The following CAMK1D variants were observed in gnomAD, a reference collection of about 807,000 sequenced individuals.
The protein encoded by CAMK1D is calcium/calmodulin dependent protein kinase ID, also known as calcium/calmodulin-dependent protein kinase type 1D.
CAMK1D carries 9 observed loss-of-function variants against 47.7 expected under a neutral mutation model. That is an observed-to-expected ratio of 0.19 (90% CI 0.11 to 0.33). The LOEUF is 0.33. CAMK1D is among the 10% of genes least tolerant of loss of function. CAMK1D has a pLI of 1.00. For missense variants in CAMK1D, 291 were observed against 488.7 expected (o/e 0.60, Z 3.81); for synonymous variants, 184 against 184.9 (o/e 0.99, Z 0.04).
Position 12,611,588 on chromosome 10 carries a change from C to CTTTTTTTTTTTTTTTTTTTTT in CAMK1D, c.225-55147_225-55127dup, listed in dbSNP as rs71386105. ...CAGTTCCCTGAATGTTTCAGAATGC[C>CTTTTTTTTTTTTTTTTTTTTT]TTTTTTTTTTTTTTTTTTTTTGAGA... On this transcript the variant is annotated intron_variant, in intron 2 of 10. Transcript: ENST00000619168. 1.3e-3 allele frequency among the ~76,000 whole-genome samples: 80 copies of CTTTTTTTTTTTTTTTTTTTTT among 59,950 alleles called. 21 individuals carry two copies. The highest frequency in any genetic ancestry group is 2.2e-3 in the Non-Finnish European group (66 of 30,388). The allele number at this position is 59,950 out of a possible 152,430, so 39.3% of individuals were successfully genotyped here.
At chr10:12,478,732 G>C (rs939864911) in intron 1 of CAMK1D, among the ~76,000 whole-genome samples, 1 of 152,196 alleles carries the variant, frequency 6.6e-6, no homozygotes, top group Non-Finnish European at 1.5e-5. Context: ...CAAATCCTGA[G>C]GAACTGTGAG....
intron 3 of CAMK1D, among the ~76,000 whole-genome samples, chr10:12,741,443 C>T (rs912898034): frequency 2.6e-5 from 4 of 152,184 alleles, no homozygotes; most frequent in South Asian, 2.1e-4. Flanking sequence ...TCAGGGACAG[C>T]GAGGGCCGCC....
intron 1 of CAMK1D, among the ~76,000 whole-genome samples, chr10:12,360,463 C>T (rs1244204451): frequency 1.3e-5 from 2 of 152,122 alleles, no homozygotes; most frequent in African/African-American, 4.8e-5. Context: ...GTCCCCTGCC[C>T]CCAAATATCC....
chr10:12,556,001 G>A (rs1467244660), intron 2 of CAMK1D, among the ~76,000 whole-genome samples: 1 of 152,108 alleles, frequency 6.6e-6, no homozygotes, highest in Admixed American at 6.5e-5. Context: ...AGGGCCAGAG[G>A]GCTGGAATAA....
At chr10:12,593,840 G>A (rs1263097815) in intron 2 of CAMK1D, among the ~76,000 whole-genome samples, 1 of 152,150 alleles carries the variant, frequency 6.6e-6, no homozygotes, top group Admixed American at 6.5e-5. Context: ...CCCTTGGTCA[G>A]GCAGTTTTTG....
chr10:12,487,474 C>G (rs1403532499), intron 1 of CAMK1D, among the ~76,000 whole-genome samples: 1 of 152,248 alleles, frequency 6.6e-6, no homozygotes, highest in Admixed American at 6.5e-5. Flanking sequence ...CCTCTAACAG[C>G]TAACATGGAC....
chr10:12,370,081 T>C (rs888418368), intron 1 of CAMK1D, among the ~76,000 whole-genome samples: 3 of 151,996 alleles, frequency 2.0e-5, no homozygotes, highest in Non-Finnish European at 4.4e-5. Context: ...GCAAGTACAA[T>C]ATAGTGAGCT....
chr10:12,513,306 AG>A (rs1292871865), intron 1 of CAMK1D, among the ~76,000 whole-genome samples: 7 of 152,312 alleles, frequency 4.6e-5, no homozygotes, highest in African/African-American at 1.7e-4. Flanking sequence ...TTCTTTGGAC[AG>A]GCCATAAATG....
intron 6 of CAMK1D, among the ~76,000 whole-genome samples, chr10:12,809,925 G>A (rs1406906547): frequency 1.3e-5 from 2 of 152,034 alleles, no homozygotes; most frequent in Admixed American, 6.6e-5. Flanking sequence ...GCAGAGGCAG[G>A]TGGATTGAGC....
In CAMK1D at chr10:12,500,948, T is replaced by A. The variant is rs568613999; in HGVS notation, c.93-52277T>A. Among the ~76,000 whole-genome samples, 52 of 152,340 alleles carry A rather than the reference T, an allele frequency of 3.4e-4. 1 individual carries two copies. Among genetic ancestry groups the A allele is most frequent in the African/African-American group, 1.3e-3 (52 of 41,572 alleles). On this transcript the variant is annotated intron_variant, in intron 1 of 10. Coordinates refer to ENST00000619168, the MANE Select transcript of CAMK1D (RefSeq NM_153498.4). ...CAGCCTCACAATCACCTCCTGTGGT[T>A]GGTGTTATATTTCCTCTTACAGATG...
At position 12,520,915 on chromosome 10, in the gene CAMK1D, C is replaced by G. The variant is rs1319079144; in HGVS notation, c.93-32310C>G. Among the ~76,000 whole-genome samples the G allele has an allele frequency of 1.1e-4, 2 of 18,940 alleles. 1 individual carries two copies. Among genetic ancestry groups the G allele is most frequent in the African/African-American group, 3.9e-4 (2 of 5,188 alleles). 12.4% of individuals were successfully genotyped at this position (18,940 alleles called of 152,430 possible). A position where few individuals can be genotyped will look rare whatever the true frequency, so the allele number is the denominator to read the frequency against. ...CTTTGGCTCGGCATCAGAGGGAGAC[C>G]GTGGAAGGAGACCGTGGGGAGAGGG... On this transcript the variant is annotated intron_variant, in intron 1 of 10. Coordinates refer to ENST00000619168, the MANE Select transcript of CAMK1D (RefSeq NM_153498.4).
chr10:12,486,500 A>C (rs1257493933), intron 1 of CAMK1D, among the ~76,000 whole-genome samples: 1 of 150,138 alleles, frequency 6.7e-6, no homozygotes, highest in East Asian at 2.0e-4. Flanking sequence ...TAAATCATGC[A>C]CCATGTACCC....
In CAMK1D at chr10:12,401,099, A is replaced by ATATATAATATATGTAT. The variant is rs1164431720; in HGVS notation, c.92+51195_92+51196insATATATGTATTATATA. 3.5e-4 allele frequency among the ~76,000 whole-genome samples: 28 copies of ATATATAATATATGTAT among 81,060 alleles called. 3 individuals are homozygous for ATATATAATATATGTAT. The highest frequency in any genetic ancestry group is 1.6e-3 in the African/African-American group (28 of 18,046). The allele number at this position is 81,060 out of a possible 152,430, so 53.2% of individuals were successfully genotyped here. A position where few individuals can be genotyped will look rare whatever the true frequency, so the allele number is the denominator to read the frequency against. ...ATAATATATGTATTATATATATTAT[A>ATATATAATATATGTAT]TATATATTTTATATATATAATATAT... On this transcript the variant is annotated intron_variant, in intron 1 of 10. Coordinates refer to ENST00000619168, the MANE Select transcript of CAMK1D (RefSeq NM_153498.4).
intron 2 of CAMK1D, among the ~76,000 whole-genome samples, chr10:12,594,516 A>G (rs971189248): frequency 2.0e-5 from 3 of 152,216 alleles, no homozygotes; most frequent in African/African-American, 7.2e-5. Flanking sequence ...ACCACAGCCA[A>G]GAGTCAGACA....
At chr10:12,701,917 CATAG>C (rs1320777138) in intron 3 of CAMK1D, among the ~76,000 whole-genome samples, 3 of 152,168 alleles carry the variant, frequency 2.0e-5, no homozygotes, top group African/African-American at 4.8e-5. Context: ...ATATTCCACA[CATAG>C]ATATAGGTAT....
intron 5 of CAMK1D, among the ~76,000 whole-genome samples, chr10:12,777,186 G>T (rs895503165): frequency 6.6e-6 from 1 of 152,100 alleles, no homozygotes; most frequent in Admixed American, 6.6e-5. Context: ...AGAGGTCAGG[G>T]GGACAAGCTG....
At chr10:12,690,941 G>A (rs1259299348) in intron 3 of CAMK1D, among the ~76,000 whole-genome samples, 2 of 152,120 alleles carry the variant, frequency 1.3e-5, no homozygotes, top group African/African-American at 2.4e-5. Context: ...TGGCCACTAG[G>A]TGTTGTTTTT....
chr10:12,505,512 T>A (rs1834842772), intron 1 of CAMK1D, among the ~76,000 whole-genome samples: 1 of 152,164 alleles, frequency 6.6e-6, no homozygotes, highest in African/African-American at 2.4e-5. Context: ...GGCTCTCCTT[T>A]CTGGAGGGTT....
chr10:12,403,231 T>A (rs899594972), intron 1 of CAMK1D, among the ~76,000 whole-genome samples: 7 of 152,154 alleles, frequency 4.6e-5, no homozygotes, highest in Non-Finnish European at 1.0e-4. Flanking sequence ...TGTTTGAAAG[T>A]GATTTACAAC....
Sources: allele counts gnomAD v4.1 joint callset (sites outside exome capture counted in the v4.1 genomes callset), GRCh38; gene constraint gnomAD v4.1.1; transcripts MANE v1.5; gene names NCBI Gene and HGNC (gene_info 2026-07-23, HGNC 2026-07-21).